Variants in GFRA1 observed in about 807,000 individuals in gnomAD.
GFRA1 encodes GDNF family receptor alpha 1.
GFRA1 carries 16 observed loss-of-function variants against 51.6 expected under a neutral mutation model. The ratio of observed to expected loss-of-function variants is 0.31; its 90% confidence interval spans 0.21 to 0.47. GFRA1 has a LOEUF of 0.47. GFRA1 is among the 20% of genes least tolerant of loss of function. The probability of loss-of-function intolerance (pLI) is 1.00; values close to 1 mark genes in which losing one functional copy is unlikely to be tolerated. For synonymous variants in GFRA1, 270 were observed against 241.3 expected, an observed-to-expected ratio of 1.12 and a Z score of -1.10; for missense variants, 530 against 594.3, an observed-to-expected ratio of 0.89 and a Z score of 1.13.
chr10:116,104,039 G>A (rs1343432666), intron 6 of GFRA1, among the ~76,000 whole-genome samples: 3 of 152,280 alleles, frequency 2.0e-5, no homozygotes, highest in South Asian at 2.1e-4. Flanking sequence ...GTGTGGAGAC[G>A]CAAAGGGTCT....
intron 5 of GFRA1, among the ~76,000 whole-genome samples, chr10:116,191,598 C>G (rs17094340): frequency 0.16 from 23,680 of 152,228 alleles, 2,046 homozygotes; most frequent in Admixed American, 0.26. Context: ...AAGCTTTTAA[C>G]TAGACTGTCT....
intron 5 of GFRA1, among the ~76,000 whole-genome samples, chr10:116,136,104 T>A (rs181802324): frequency 1.3e-3 from 200 of 152,310 alleles, no homozygotes; most frequent in Admixed American, 3.1e-3. Context: ...CCAGAAAAAA[T>A]ATCTCAGATT....
chr10:116,095,035 T>C (rs900268444), intron 7 of GFRA1, among the ~76,000 whole-genome samples: 1 of 152,214 alleles, frequency 6.6e-6, no homozygotes, highest in African/African-American at 2.4e-5. Context: ...GCCTCTGCCA[T>C]TGGGCCCTCC....
chr10:116,193,271 C>T (rs1234996947), intron 5 of GFRA1, among the ~76,000 whole-genome samples: 1 of 152,118 alleles, frequency 6.6e-6, no homozygotes, highest in East Asian at 1.9e-4. Context: ...ACCTCCACAC[C>T]CACTCCAGGG....
intron 6 of GFRA1, among the ~76,000 whole-genome samples, chr10:116,100,058 C>CAAA (rs1373595052): frequency 6.6e-6 from 1 of 152,186 alleles, no homozygotes. Context: ...TTTACTATTA[C>CAAA]ACAGCTGCAG....
chr10:116,181,467 C>A (rs1962209086), intron 5 of GFRA1, among the ~76,000 whole-genome samples: 1 of 152,214 alleles, frequency 6.6e-6, no homozygotes. Flanking sequence ...TCCATCTCAA[C>A]ACCTGTCCTC....
At chr10:116,233,092 C>T (rs1049178949) in intron 4 of GFRA1, among the ~76,000 whole-genome samples, 2 of 151,994 alleles carry the variant, frequency 1.3e-5, no homozygotes, top group Non-Finnish European at 2.9e-5. Flanking sequence ...TGTAGGAGGC[C>T]GAGGCAGGCA....
chr10:116,204,397 A>G (rs1420416407), intron 5 of GFRA1, among the ~76,000 whole-genome samples: 1 of 152,260 alleles, frequency 6.6e-6, no homozygotes, highest in Non-Finnish European at 1.5e-5. Context: ...GTCAGCTAGG[A>G]GGGCCTAAAA....
intron 5 of GFRA1, among the ~76,000 whole-genome samples, chr10:116,175,485 G>T (rs564431694): frequency 6.6e-6 from 1 of 152,300 alleles, no homozygotes; most frequent in East Asian, 1.9e-4. Context: ...ATCATTAAAG[G>T]GCGAGATTAA....
intron 4 of GFRA1, among the ~76,000 whole-genome samples, chr10:116,265,188 C>T (rs558051942): frequency 1.3e-5 from 2 of 152,224 alleles, no homozygotes; most frequent in East Asian, 3.9e-4. Context: ...TAAGGCTTCC[C>T]GGAAAGGTCA....
intron 8 of GFRA1, among the ~76,000 whole-genome samples, chr10:116,091,959 C>T (rs768092637): frequency 7.2e-5 from 11 of 152,202 alleles, no homozygotes; most frequent in Non-Finnish European, 1.3e-4. Flanking sequence ...ACTTTAATTT[C>T]CCTGTGAGGG....
chr10:116,171,449 T>C (rs1589842487), intron 5 of GFRA1, among the ~76,000 whole-genome samples: 1 of 152,350 alleles, frequency 6.6e-6, no homozygotes, highest in African/African-American at 2.4e-5. Context: ...AAATATATTT[T>C]GCCTTGTAAA....
chr10:116,270,683 T>C, intron 3 of GFRA1, 139 bp downstream of exon 3: 1 of 693,668 alleles, frequency 1.4e-6, no homozygotes, highest in South Asian at 1.8e-5. Flanking sequence ...GCTGCCGTTG[T>C]CCCTGGGGGC....
chr10:116,231,852 T>G (rs1189964240), intron 4 of GFRA1, among the ~76,000 whole-genome samples: 1 of 152,210 alleles, frequency 6.6e-6, no homozygotes, highest in African/African-American at 2.4e-5. Flanking sequence ...CAAGCTTATT[T>G]AAAACGAATT....
At chr10:116,127,841 T>A (rs1957940132) in intron 5 of GFRA1, among the ~76,000 whole-genome samples, 1 of 152,236 alleles carries the variant, frequency 6.6e-6, no homozygotes, top group Admixed American at 6.5e-5. Context: ...AAGTTATGCA[T>A]TTTTGATGAT....
intron 4 of GFRA1, among the ~76,000 whole-genome samples, chr10:116,269,274 G>A (rs1471513578): frequency 2.0e-5 from 3 of 151,070 alleles, no homozygotes; most frequent in East Asian, 1.9e-4. Flanking sequence ...CACCTCCCTC[G>A]AACCTCTTCC....
At chr10:116,232,614 C>T (rs373036558) in intron 4 of GFRA1, among the ~76,000 whole-genome samples, 29 of 152,106 alleles carry the variant, frequency 1.9e-4, no homozygotes, top group East Asian at 5.8e-4. Context: ...ACACCACATT[C>T]GGCATAGATA....
At chr10:116,260,572 T>G (rs1475368938) in intron 4 of GFRA1, among the ~76,000 whole-genome samples, 2 of 152,148 alleles carry the variant, frequency 1.3e-5, no homozygotes, top group African/African-American at 4.8e-5. Flanking sequence ...CGTAAAAGAG[T>G]ATACCTCTAA....
chr10:116,177,775 A>G (rs780286835), intron 5 of GFRA1, among the ~76,000 whole-genome samples: 6 of 152,254 alleles, frequency 3.9e-5, no homozygotes, highest in Middle Eastern at 3.4e-3. Flanking sequence ...ACTCCCTGCT[A>G]TTTCTCCCTA....
Sources: allele counts gnomAD v4.1 joint callset (sites outside exome capture counted in the v4.1 genomes callset), GRCh38; gene constraint gnomAD v4.1.1; transcripts MANE v1.5; gene names NCBI Gene and HGNC (gene_info 2026-07-23, HGNC 2026-07-21).